NDE1: variants seen among roughly 807,000 people sequenced by gnomAD.
NDE1 encodes nudE neurodevelopment protein 1.
A neutral mutation model predicts 43.4 loss-of-function variants in NDE1; 28 were observed. The observed-to-expected ratio is 0.65, with a 90% CI of 0.48 to 0.89. NDE1 has a LOEUF of 0.89. Ranked by LOEUF, NDE1 falls within the 40% of genes least tolerant of loss-of-function variation. NDE1 has a pLI of 0.00. For synonymous variants in NDE1, 184 were observed against 172.0 expected, an observed-to-expected ratio of 1.07 and a Z score of -0.55; for missense variants, 441 against 434.1, an observed-to-expected ratio of 1.02 and a Z score of -0.14.
intron 5 of NDE1, among the ~76,000 whole-genome samples, chr16:15,690,428 G>A (rs1285064649): frequency 7.9e-6 from 1 of 126,048 alleles, no homozygotes; most frequent in African/African-American, 3.1e-5. Context: ...TATGATCATG[G>A]CTTACTGCAG....
At chr16:15,668,190 T>C (rs746589277) in intron 3 of NDE1, among the ~76,000 whole-genome samples, 13 of 152,072 alleles carry the variant, frequency 8.5e-5, no homozygotes, top group Non-Finnish European at 1.5e-4. Context: ...GATGAAACCC[T>C]GTCTCTACTA....
chr16:15,679,116 AAGC>A, intron 4 of NDE1, among the ~76,000 whole-genome samples: 1 of 152,148 alleles, frequency 6.6e-6, no homozygotes, highest in East Asian at 1.9e-4. Flanking sequence ...AAAACAAAAA[AAGC>A]ACAGATGTTT....
At chr16:15,643,926 C>G (rs745782018) in exon 1 of NDE1, 2 of 152,278 alleles carry the variant, frequency 1.3e-5, no homozygotes, top group Non-Finnish European at 2.9e-5. Context: ...GGAAATCTTA[C>G]GGTTAGTTTC....
chr16:15,714,958 T>A (rs760586766), intron 8 of NDE1: 2 of 1,613,986 alleles, frequency 1.2e-6, no homozygotes, highest in Non-Finnish European at 1.7e-6. Flanking sequence ...GCCTCGTTGC[T>A]CTCCGTGGCC....
At chr16:15,668,290 G>A (rs1163732576) in intron 3 of NDE1, among the ~76,000 whole-genome samples, 2 of 152,180 alleles carry the variant, frequency 1.3e-5, no homozygotes, top group African/African-American at 4.8e-5. Flanking sequence ...TTGATGGTTG[G>A]AGGCTGTAGT....
chr16:15,676,672 G>C (rs569456573), intron 3 of NDE1, among the ~76,000 whole-genome samples: 2 of 151,592 alleles, frequency 1.3e-5, no homozygotes, highest in Admixed American at 1.3e-4. Flanking sequence ...ACGTCATTAT[G>C]ATTTCTTTCC....
At chr16:15,675,705 C>T (rs2037834200) in intron 3 of NDE1, among the ~76,000 whole-genome samples, 1 of 152,036 alleles carries the variant, frequency 6.6e-6, no homozygotes, top group South Asian at 2.1e-4. Flanking sequence ...GGATTACAGG[C>T]ATGAGGCACC....
chr16:15,654,617 C>CAA (rs74269304), intron 1 of NDE1, among the ~76,000 whole-genome samples: 2 of 82,378 alleles, frequency 2.4e-5, no homozygotes, highest in Admixed American at 1.3e-4. Context: ...AAAAAAAAAA[C>CAA]AAAAAAAAAA....
At chr16:15,691,387 G>T (rs2038746459) in intron 6 of NDE1, 64 bp downstream of exon 6, 1 of 1,551,132 alleles carries the variant, frequency 6.4e-7, no homozygotes, top group Non-Finnish European at 8.8e-7. Context: ...AAGAATCTGG[G>T]GTGGGTCCTG....
At chr16:15,654,621 A>AC (rs374330031) in intron 1 of NDE1, among the ~76,000 whole-genome samples, 2 of 150,080 alleles carry the variant, frequency 1.3e-5, no homozygotes, top group African/African-American at 4.9e-5. Flanking sequence ...AAAAAACAAA[A>AC]AAAAAAAAAA....
At chr16:15,657,832 C>T (rs1210121096) in intron 1 of NDE1, among the ~76,000 whole-genome samples, 2 of 152,070 alleles carry the variant, frequency 1.3e-5, no homozygotes, top group African/African-American at 4.8e-5. Context: ...AAACTCCTGA[C>T]CTCAAGTGAT....
At chr16:15,703,850 T>C (rs2039310850) in intron 8 of NDE1, 2 of 1,196,628 alleles carry the variant, frequency 1.7e-6, no homozygotes, top group Middle Eastern at 2.6e-4. Flanking sequence ...TCTGTGATAT[T>C]TGGAATTTGA....
rs1009242495 is a variant in NDE1 at position 15,720,746 on chromosome 16, G to T, written c.948-3445G>T. On this transcript the variant is annotated intron_variant, in intron 8 of 8. Coordinates refer to ENST00000396354, the MANE Select transcript of NDE1 (RefSeq NM_017668.3). ...AGACTCTGTTTCAAAAAAAAATAAA[G>T]AAAACGAAGTTTCCACACCAACCAT... 1.4e-5 allele frequency: 19 copies of T among 1,320,624 alleles called. No individual in the cohort carries two copies. The East Asian group carries it at 2.7e-4, about 18-fold the overall frequency. 81.8% of individuals were successfully genotyped at this position (1,320,624 alleles called of 1,614,324 possible). A position where few individuals can be genotyped will look rare whatever the true frequency, so the allele number is the denominator to read the frequency against.
rs376987367 is a variant in NDE1, at chr16:15,725,029, A to G, written c.*778A>G. Reference sequence around the variant, plus strand: ...AAGAGACTGGTTAGTCAAAGCCTCTAGAAGGGGATCCTCGTTGAAAGGAGC... The same window carrying G: ...AAGAGACTGGTTAGTCAAAGCCTCTGGAAGGGGATCCTCGTTGAAAGGAGC... On this transcript the variant is annotated 3_prime_UTR_variant, in exon 9 of 9. Transcript: ENST00000396354. The G allele has an allele frequency of 4.1e-5, 65 of 1,578,200 alleles. No individual in the cohort carries two copies. Among genetic ancestry groups the G allele is most frequent in the Non-Finnish European group, 5.6e-5 (64 of 1,150,166 alleles).
intron 6 of NDE1, among the ~76,000 whole-genome samples, chr16:15,693,682 G>C (rs1042744390): frequency 3.6e-4 from 55 of 152,078 alleles, no homozygotes; most frequent in African/African-American, 1.3e-3. Flanking sequence ...GCTCACGCCC[G>C]TAATCCCAGC....
chr16:15,693,838 G>A (rs2151130204), intron 6 of NDE1, among the ~76,000 whole-genome samples: 1 of 152,296 alleles, frequency 6.6e-6, no homozygotes, highest in East Asian at 1.9e-4. Flanking sequence ...TACTCAAGAG[G>A]CCAAGGCAGG....
chr16:15,708,861 C>T, intron 8 of NDE1: 16 of 1,608,192 alleles, frequency 9.9e-6, no homozygotes, highest in Non-Finnish European at 1.3e-5. Context: ...AGAGAGAATC[C>T]CCGGAGGTTA....
chr16:15,677,001 T>G (rs8058654), intron 3 of NDE1, among the ~76,000 whole-genome samples: 1,574 of 152,180 alleles, frequency 0.01, 35 homozygotes, highest in African/African-American at 0.035. Flanking sequence ...ATGATTTGTC[T>G]GAAGAATGAT....
At position 15,725,668 on chromosome 16, in the gene NDE1, G is replaced by A. The variant is rs1452449154; in HGVS notation, c.*1417G>A. On this transcript the variant is annotated 3_prime_UTR_variant, in exon 9 of 9. Coordinates refer to ENST00000396354, the MANE Select transcript of NDE1 (RefSeq NM_017668.3). ...AAAAGCCCTGCTCTCAACTGCATGT[G>A]AGAAAAAAACATCTCACTTAATTCT... 1 of 398,928 alleles carries A rather than the reference G, an allele frequency of 2.5e-6. No individual in the cohort carries two copies. The highest frequency in any genetic ancestry group is 3.6e-5 in the East Asian group (1 of 28,090). The allele number at this position is 398,928 out of a possible 1,614,324, so 24.7% of individuals were successfully genotyped here.
Sources: allele counts gnomAD v4.1 joint callset (sites outside exome capture counted in the v4.1 genomes callset), GRCh38; gene constraint gnomAD v4.1.1; transcripts MANE v1.5; gene names NCBI Gene and HGNC (gene_info 2026-07-23, HGNC 2026-07-21).